The following RPA3 variants were observed in gnomAD, a reference collection of about 807,000 sequenced individuals.
RPA3 encodes replication protein A 14 kDa subunit.
RPA3 carries 24 observed loss-of-function variants against 13.7 expected under a neutral mutation model. The observed-to-expected ratio is 1.75, with a 90% CI of 1.27 to 2.46. RPA3 has a LOEUF of 2.46. RPA3 is among the 30% of genes most tolerant of loss of function. The pLI is 0.00. For synonymous variants in RPA3, 59 were observed against 51.2 expected (o/e 1.15, Z -0.65); for missense variants, 183 against 151.0 (o/e 1.21, Z -1.11).
intron 4 of RPA3, among the ~76,000 whole-genome samples, chr7:7,667,419 C>G (rs140928006): frequency 1.2e-3 from 176 of 152,288 alleles, no homozygotes; most frequent in African/African-American, 3.9e-3. Context: ...TTACCGCATA[C>G]TAGGCTTGGG....
chr7:7,703,724 G>C (rs934682585), intron 2 of RPA3, among the ~76,000 whole-genome samples: 1 of 152,132 alleles, frequency 6.6e-6, no homozygotes, highest in Admixed American at 6.5e-5. Flanking sequence ...CAGATCGCTT[G>C]AGCCCAGGAG....
intron 4 of RPA3, among the ~76,000 whole-genome samples, chr7:7,647,007 G>C (rs917324947): frequency 6.6e-6 from 1 of 152,156 alleles, no homozygotes; most frequent in South Asian, 2.1e-4. Context: ...CCGCTTGTCC[G>C]TATCAGTTAC....
chr7:7,695,082 A>G (rs904980019), intron 2 of RPA3, among the ~76,000 whole-genome samples: 1 of 152,228 alleles, frequency 6.6e-6, no homozygotes, highest in Non-Finnish European at 1.5e-5. Context: ...AAGCCATTTT[A>G]ACTGGGGTGA....
chr7:7,682,865 G>A (rs768025857), intron 4 of RPA3, among the ~76,000 whole-genome samples: 11 of 152,214 alleles, frequency 7.2e-5, no homozygotes, highest in Non-Finnish European at 1.6e-4. Flanking sequence ...TGATGTAGAT[G>A]CTTGTTTTTC....
At chr7:7,662,858 G>C (rs1785509396) in intron 4 of RPA3, among the ~76,000 whole-genome samples, 1 of 152,122 alleles carries the variant, frequency 6.6e-6, no homozygotes, top group Non-Finnish European at 1.5e-5. Context: ...AAATTTAAAA[G>C]AAAGATATAA....
chr7:7,669,120 A>T (rs1391338263), intron 4 of RPA3, among the ~76,000 whole-genome samples: 1 of 152,098 alleles, frequency 6.6e-6, no homozygotes, highest in Non-Finnish European at 1.5e-5. Context: ...AAAATGAAGC[A>T]ACATTACTTG....
At chr7:7,644,835 T>G (rs1785059846) in intron 4 of RPA3, among the ~76,000 whole-genome samples, 1 of 152,206 alleles carries the variant, frequency 6.6e-6, no homozygotes, top group Non-Finnish European at 1.5e-5. Flanking sequence ...AGAATGTAGC[T>G]TATGAATTTC....
chr7:7,661,820 C>G (rs1313634808), intron 4 of RPA3, among the ~76,000 whole-genome samples: 1 of 152,148 alleles, frequency 6.6e-6, no homozygotes, highest in Non-Finnish European at 1.5e-5. Flanking sequence ...TGACCCTTAG[C>G]AGAGTTTGAA....
intron 2 of RPA3, among the ~76,000 whole-genome samples, chr7:7,711,228 T>C (rs1249937568): frequency 6.6e-6 from 1 of 152,202 alleles, no homozygotes; most frequent in African/African-American, 2.4e-5. Context: ...TCCATATAAT[T>C]TCTCCAATCT....
At chr7:7,643,045 G>C (rs1382112261) in intron 4 of RPA3, among the ~76,000 whole-genome samples, 1 of 152,028 alleles carries the variant, frequency 6.6e-6, no homozygotes, top group African/African-American at 2.4e-5. Context: ...GGCATGAGTG[G>C]GACAGTAGTG....
rs141602455 is a variant in RPA3 at position 7,677,664 on chromosome 7, G to GT, written c.-758+8165dup. Among the ~76,000 whole-genome samples, 144 of 113,474 alleles carry GT rather than the reference G, an allele frequency of 1.3e-3. 2 individuals are homozygous for GT. The highest frequency in any genetic ancestry group is 4.5e-3 in the African/African-American group (126 of 28,040). The allele number at this position is 113,474 out of a possible 152,430, so 74.4% of individuals were successfully genotyped here. A position where few individuals can be genotyped will look rare whatever the true frequency, so the allele number is the denominator to read the frequency against. ...TCTTTATCTATTCATCTGTTTTTTT[G>GT]TTTTTTTTTTTTTTTTTTTTTTTTT... On this transcript the variant is annotated intron_variant, in intron 4 of 7. Coordinates refer to ENST00000223129, the MANE Select transcript of RPA3 (RefSeq NM_002947.5).
At chr7:7,675,234 T>C (rs1341248816) in intron 4 of RPA3, among the ~76,000 whole-genome samples, 1 of 152,206 alleles carries the variant, frequency 6.6e-6, no homozygotes, top group Non-Finnish European at 1.5e-5. Context: ...ATTTAGAGGC[T>C]GTAAGTTGGG....
intron 2 of RPA3, among the ~76,000 whole-genome samples, chr7:7,696,856 G>T (rs1406657852): frequency 6.6e-6 from 1 of 151,310 alleles, no homozygotes; most frequent in African/African-American, 2.4e-5. Context: ...TTTTTTAAAG[G>T]CTGCCCTTTT....
At chr7:7,644,977 G>T (rs1785062444) in intron 4 of RPA3, among the ~76,000 whole-genome samples, 1 of 152,114 alleles carries the variant, frequency 6.6e-6, no homozygotes, top group African/African-American at 2.4e-5. Context: ...CTTTCCAAAA[G>T]GTCTCATACT....
At chr7:7,688,362 A>G (rs1780088240) in intron 2 of RPA3, among the ~76,000 whole-genome samples, 1 of 152,110 alleles carries the variant, frequency 6.6e-6, no homozygotes, top group South Asian at 2.1e-4. Flanking sequence ...GTAGAATGTG[A>G]GAACCTTTTT....
At chr7:7,692,858 C>T (rs538863664) in intron 2 of RPA3, among the ~76,000 whole-genome samples, 11 of 152,316 alleles carry the variant, frequency 7.2e-5, no homozygotes, top group East Asian at 3.9e-4. Flanking sequence ...CTGCCTGCCT[C>T]GGCTTCCCAC....
intron 4 of RPA3, among the ~76,000 whole-genome samples, chr7:7,682,449 C>G (rs1290956880): frequency 2.0e-5 from 3 of 152,074 alleles, no homozygotes; most frequent in Non-Finnish European, 4.4e-5. Flanking sequence ...TTATATGGAA[C>G]TTTTAAAGGT....
At chr7:7,664,357 A>T (rs1269235843) in intron 4 of RPA3, among the ~76,000 whole-genome samples, 1 of 152,134 alleles carries the variant, frequency 6.6e-6, no homozygotes, top group African/African-American at 2.4e-5. Context: ...TCTCTCTAGC[A>T]TGCTATTTTA....
chr7:7,664,896 G>A (rs1338788527), intron 4 of RPA3, among the ~76,000 whole-genome samples: 3 of 152,098 alleles, frequency 2.0e-5, no homozygotes, highest in Admixed American at 6.6e-5. Context: ...GCATTTCACT[G>A]TACAAAAGGA....
Sources: allele counts gnomAD v4.1 joint callset (sites outside exome capture counted in the v4.1 genomes callset), GRCh38; gene constraint gnomAD v4.1.1; transcripts MANE v1.5; gene names NCBI Gene and HGNC (gene_info 2026-07-23, HGNC 2026-07-21).